Variants in HSF5 observed in about 807,000 individuals in gnomAD.
HSF5 encodes heat shock transcription factor 5.
In HSF5, 5 loss-of-function variants were observed where a neutral mutation model predicts 50.8. The observed-to-expected ratio is 0.10, with a 90% confidence interval of 0.05 to 0.21. HSF5 has a LOEUF of 0.21. Ranked by LOEUF, HSF5 falls within the 10% of genes least tolerant of loss-of-function variation. The probability of loss-of-function intolerance (pLI) is 1.00; values close to 1 mark genes in which losing one functional copy is unlikely to be tolerated. For missense variants in HSF5, 564 were observed against 762.6 expected, an observed-to-expected ratio of 0.74 and a Z score of 3.07; for synonymous variants, 307 against 307.4, an observed-to-expected ratio of 1.00 and a Z score of 0.02.
intron 2 of HSF5, among the ~76,000 whole-genome samples, chr17:58,468,215 C>T (rs774234826): frequency 6.6e-6 from 1 of 152,030 alleles, no homozygotes; most frequent in Non-Finnish European, 1.5e-5. Context: ...CTAGGCAACA[C>T]GGTGAAACCC....
chr17:58,434,974 C>T (rs138597399), intron 5 of HSF5, among the ~76,000 whole-genome samples: 26 of 152,276 alleles, frequency 1.7e-4, no homozygotes, highest in African/African-American at 6.3e-4. Flanking sequence ...AAAGGACTGG[C>T]CCTTTTCCAT....
At chr17:58,428,774 C>T (rs1373326296) in intron 5 of HSF5, among the ~76,000 whole-genome samples, 1 of 152,066 alleles carries the variant, frequency 6.6e-6, no homozygotes, top group Non-Finnish European at 1.5e-5. Flanking sequence ...AAACTGGAAC[C>T]CTTGTGCATT....
At chr17:58,456,718 T>C (rs1489001988) in intron 5 of HSF5, among the ~76,000 whole-genome samples, 2 of 152,146 alleles carry the variant, frequency 1.3e-5, no homozygotes, top group African/African-American at 4.8e-5. Context: ...ATAAAAATGG[T>C]TAAAATGATA....
At chr17:58,446,330 G>A (rs1360845893) in intron 5 of HSF5, among the ~76,000 whole-genome samples, 1 of 152,058 alleles carries the variant, frequency 6.6e-6, no homozygotes, top group African/African-American at 2.4e-5. Context: ...ACATTGAAGA[G>A]GGTAGAAAGG....
intron 2 of HSF5, among the ~76,000 whole-genome samples, chr17:58,470,322 GTATTA>G (rs927522948): frequency 6.6e-6 from 1 of 152,118 alleles, no homozygotes; most frequent in Non-Finnish European, 1.5e-5. Context: ...ATACAATGGA[GTATTA>G]TCCAGCCTTT....
intron 1 of HSF5, among the ~76,000 whole-genome samples, chr17:58,482,709 CAAAA>C (rs34783781): frequency 1.3e-3 from 18 of 13,454 alleles, no homozygotes; most frequent in African/African-American, 4.9e-3. Context: ...GACTCCATCT[CAAAA>C]AAAAAAAAAA....
chr17:58,477,028 G>A lies in HSF5; in HGVS notation c.925+2865C>T, dbSNP rs1975022521. 7.2e-6 allele frequency: 4 copies of A among 553,884 alleles called. No homozygotes were observed. In the East Asian group the frequency reaches 9.1e-5, roughly 13 times the overall value. 34.3% of individuals were successfully genotyped at this position (553,884 alleles called of 1,614,324 possible). A position where few individuals can be genotyped will look rare whatever the true frequency, so the allele number is the denominator to read the frequency against. Reference sequence around the variant, plus strand: ...AGGCAGCTTCCCCCTCACGGCACACGCGCGGGCGCTTGCTGGGTCCAGCCA... The same window carrying A: ...AGGCAGCTTCCCCCTCACGGCACACACGCGGGCGCTTGCTGGGTCCAGCCA... On this transcript the variant is annotated intron_variant, in intron 2 of 5. Coordinates refer to ENST00000323777, the MANE Select transcript of HSF5 (RefSeq NM_001080439.3).
chr17:58,453,966 C>T (rs537236298), intron 5 of HSF5, among the ~76,000 whole-genome samples: 7 of 152,096 alleles, frequency 4.6e-5, no homozygotes, highest in South Asian at 4.1e-4. Flanking sequence ...TGGTGGCACG[C>T]GCCTGTAGTC....
Position 58,480,025 on chromosome 17 carries a change from C to A in HSF5, c.793G>T (p.Val265Phe). 3 of 1,614,062 alleles carry A rather than the reference C, an allele frequency of 1.9e-6. No homozygotes were observed. Among genetic ancestry groups the A allele is most frequent in the East Asian group, 2.2e-5 (1 of 44,876 alleles). Residue 265 changes from valine (V) to phenylalanine (F), a missense_variant, in exon 2 of 6, where the codon GTT (valine) becomes TTT (phenylalanine). By Grantham distance (50) the Val-to-Phe change is conservative. Around this residue, in one of 5 missense-constraint regions of HSF5, gnomAD observed 441 missense variants for 533.6 expected, o/e 0.83. Transcript: ENST00000323777. Reference sequence around the variant, plus strand: ...GTGCTGGGCTGCAGTGTATAGGTAACCTCAGTTGGAAACCTCTGGAGTACA... The same window carrying A: ...GTGCTGGGCTGCAGTGTATAGGTAAACTCAGTTGGAAACCTCTGGAGTACA... ...FPVLQRFPTE[V>F]TYTLQPSTTS...
At chr17:58,439,829 A>G (rs2143744985) in intron 5 of HSF5, among the ~76,000 whole-genome samples, 1 of 152,372 alleles carries the variant, frequency 6.6e-6, no homozygotes, top group Admixed American at 6.5e-5. Context: ...TAAACATTTG[A>G]AAGTTTCATC....
chr17:58,445,922 G>A (rs1259787824), intron 5 of HSF5, among the ~76,000 whole-genome samples: 1 of 152,106 alleles, frequency 6.6e-6, no homozygotes, highest in African/African-American at 2.4e-5. Flanking sequence ...GATCACCCGA[G>A]GTCAGGAGTT....
Position 58,487,735 on chromosome 17 carries a change from G to A in HSF5, c.540C>T (p.Pro180=), listed in dbSNP as rs1196550939. The A allele has an allele frequency of 6.5e-6, 9 of 1,378,014 alleles. No individual in the cohort carries two copies. The highest frequency in any genetic ancestry group is 8.4e-6 in the Non-Finnish European group (9 of 1,077,056). 85.4% of individuals were successfully genotyped at this position (1,378,014 alleles called of 1,614,324 possible). ...QQPPPPAGPR[P]EPHGPVAVGQ... is the part of the protein sequence containing the mutation. ...GCAGTCCGGACTCACCGTGCGGCTC[G>A]GGCCGGGGCCCCGCGGGCGGCGGCG... The change falls in exon 1 of 6, where the codon CCC becomes CCT. Residue 180 remains proline, a synonymous_variant. Coordinates refer to ENST00000323777, the MANE Select transcript of HSF5 (RefSeq NM_001080439.3).
chr17:58,439,643 C>G (rs1974473888), intron 5 of HSF5, among the ~76,000 whole-genome samples: 1 of 152,128 alleles, frequency 6.6e-6, no homozygotes, highest in Non-Finnish European at 1.5e-5. Flanking sequence ...CGCCACCATG[C>G]CCAGCTAATT....
intron 1 of HSF5, among the ~76,000 whole-genome samples, chr17:58,482,709 C>CA (rs34783781): frequency 0.11 from 1,416 of 13,428 alleles, 362 homozygotes; most frequent in Non-Finnish European, 0.12. Context: ...GACTCCATCT[C>CA]AAAAAAAAAA....
At position 58,435,898 on chromosome 17, in the gene HSF5, C is replaced by CAA. The variant is rs11458311; in HGVS notation, c.1721-13470_1721-13469dup. Among the ~76,000 whole-genome samples, 82 of 59,982 alleles carry CAA rather than the reference C, an allele frequency of 1.4e-3. 1 individual carries two copies. Among genetic ancestry groups the CAA allele is most frequent in the South Asian group, 5.7e-3 (10 of 1,754 alleles). The allele number at this position is 59,982 out of a possible 152,430, so 39.4% of individuals were successfully genotyped here. On this transcript the variant is annotated intron_variant, in intron 5 of 5. Transcript: ENST00000323777. ...TGGGCGACAGAGCGAGACTCCATCTCAAAAAAAAAAAAAAAAAAAAAGTAA... is the reference window on the plus strand; with the variant it reads ...TGGGCGACAGAGCGAGACTCCATCTCAAAAAAAAAAAAAAAAAAAAAAAGTAA...
intron 5 of HSF5, 28 bp downstream of exon 5, chr17:58,458,740 T>G (rs1974747568): frequency 1.3e-6 from 2 of 1,558,630 alleles, no homozygotes; most frequent in East Asian, 4.5e-5. Flanking sequence ...ATTCTACTTC[T>G]GGCATTCTAG....
At chr17:58,429,244 A>G (rs909785349) in intron 5 of HSF5, among the ~76,000 whole-genome samples, 2 of 152,260 alleles carry the variant, frequency 1.3e-5, no homozygotes, top group Non-Finnish European at 2.9e-5. Context: ...GGGCTGGGGA[A>G]AGGTGGGAAT....
chr17:58,463,053 C>T lies in HSF5; in HGVS notation c.1271G>A (p.Ser424Asn). The change falls in exon 4 of 6, where the codon AGT becomes AAT. Residue 424 changes from serine (S) to asparagine (N), a missense_variant. This residue lies in a region of HSF5 where 441 missense variants were observed against 533.6 expected (regional missense o/e 0.83). Transcript: ENST00000323777. ...NSNNSNPCSA[S>N]QASQLEPLTP... ...AAGTGGCTCCAGCTGGCTAGCCTGA[C>T]TTGCAGAACATGGATTGCTGTTGTT... 6.2e-7 allele frequency: 1 copy of T among 1,614,226 alleles called. No homozygotes were observed. Among genetic ancestry groups the T allele is most frequent in the African/African-American group, 1.3e-5 (1 of 75,054 alleles).
intron 5 of HSF5, among the ~76,000 whole-genome samples, chr17:58,441,743 C>G (rs956408135): frequency 3.9e-5 from 6 of 152,188 alleles, no homozygotes; most frequent in African/African-American, 1.4e-4. Flanking sequence ...TCCCAGAAAG[C>G]AAAAGCAGGG....
Sources: allele counts gnomAD v4.1 joint callset (sites outside exome capture counted in the v4.1 genomes callset), GRCh38; gene constraint gnomAD v4.1.1; regional missense constraint gnomAD v4.1.1; transcripts MANE v1.5; gene names NCBI Gene and HGNC (gene_info 2026-07-23, HGNC 2026-07-21).